Variants in FER observed in about 807,000 individuals in gnomAD.
FER encodes the protein tyrosine-protein kinase Fer.
Under a neutral mutation model 111.0 loss-of-function variants are expected in FER, and 63 were observed. The observed-to-expected ratio is 0.57, with a 90% CI of 0.46 to 0.70. The LOEUF (loss-of-function observed/expected upper bound fraction) is 0.70. FER is among the 30% of genes least tolerant of loss of function. The pLI is 0.00. For synonymous variants in FER, 327 were observed against 313.9 expected, an observed-to-expected ratio of 1.04 and a Z score of -0.44; for missense variants, 914 against 954.0, an observed-to-expected ratio of 0.96 and a Z score of 0.55.
chr5:108,897,750 C>T lies in FER; in HGVS notation c.1138C>T (p.Gln380Ter), dbSNP rs895550673. The T allele has an allele frequency of 6.2e-7, 1 of 1,613,406 alleles. No homozygotes were observed. The highest frequency in any genetic ancestry group is 8.5e-7 in the Non-Finnish European group (1 of 1,179,690). ...ATGCACTGAAGCAAAGTTTTCAGCA[C>T]AGAAGGAATTACTAGAGCAAAAAGT... is the stretch of plus-strand genomic sequence containing the variant. ...LRCTEAKFSA[Q>*]KELLEQKVQE... The change falls in exon 10 of 20, where the codon CAG (glutamine) becomes TAG (stop). Residue 380 changes from glutamine to a stop codon, truncating the protein, a stop_gained. Coordinates refer to ENST00000281092, the MANE Select transcript of FER (RefSeq NM_005246.4). LOFTEE classifies it high-confidence loss of function.
chr5:108,808,088 T>C (rs535950169), intron 3 of FER, among the ~76,000 whole-genome samples: 6 of 152,222 alleles, frequency 3.9e-5, no homozygotes, highest in African/African-American at 1.4e-4. Context: ...GAGTAATGTG[T>C]ATTCTGTGTA....
intron 13 of FER, among the ~76,000 whole-genome samples, chr5:108,987,062 TC>T (rs1288858770): frequency 2.0e-5 from 3 of 152,204 alleles, no homozygotes; most frequent in African/African-American, 7.2e-5. Context: ...TAATATTGAT[TC>T]TACCCCATCC....
At chr5:109,039,833 G>C (rs897991359) in intron 14 of FER, among the ~76,000 whole-genome samples, 2 of 152,062 alleles carry the variant, frequency 1.3e-5, no homozygotes, top group Non-Finnish European at 2.9e-5. Context: ...TGGCGAGCTG[G>C]TGGGCAATTT....
At chr5:108,901,791 A>G (rs1323613930) in intron 10 of FER, among the ~76,000 whole-genome samples, 1 of 152,124 alleles carries the variant, frequency 6.6e-6, no homozygotes, top group African/African-American at 2.4e-5. Flanking sequence ...GTCTCTACAA[A>G]TATATAAAAA....
At chr5:108,769,008 G>C (rs1323951534) in intron 2 of FER, among the ~76,000 whole-genome samples, 1 of 151,988 alleles carries the variant, frequency 6.6e-6, no homozygotes, top group East Asian at 1.9e-4. Context: ...TATTTTTTTA[G>C]AAGAGATGGG....
chr5:108,877,529 G>A (rs1468144106), intron 8 of FER, among the ~76,000 whole-genome samples: 2 of 152,102 alleles, frequency 1.3e-5, no homozygotes, highest in Non-Finnish European at 2.9e-5. Flanking sequence ...TTTGTGTCAT[G>A]GTATAGATTG....
At chr5:108,865,621 A>G (rs1483240501) in intron 5 of FER, among the ~76,000 whole-genome samples, 1 of 152,234 alleles carries the variant, frequency 6.6e-6, no homozygotes, top group African/African-American at 2.4e-5. Flanking sequence ...GCACAGCAAA[A>G]GAAACCTACC....
intron 13 of FER, among the ~76,000 whole-genome samples, chr5:108,968,168 C>T (rs188960084): frequency 2.7e-3 from 411 of 152,334 alleles, no homozygotes; most frequent in African/African-American, 9.3e-3. Context: ...GCAGGTATCA[C>T]TTGAGGTCAG....
intron 15 of FER, among the ~76,000 whole-genome samples, 187 bp from the exon 16 acceptor site, chr5:109,046,917 C>T (rs1275773786): frequency 6.6e-6 from 1 of 152,052 alleles, no homozygotes; most frequent in East Asian, 1.9e-4. Flanking sequence ...AACCAGTCTC[C>T]TACAGATACT....
chr5:108,900,641 A>T (rs1048076058), intron 10 of FER, among the ~76,000 whole-genome samples: 7 of 152,208 alleles, frequency 4.6e-5, no homozygotes, highest in Non-Finnish European at 1.0e-4. Context: ...ACAATGAATT[A>T]TGCTCCATGA....
At chr5:109,045,285 A>C (rs577458618) in intron 15 of FER, among the ~76,000 whole-genome samples, 12 of 123,620 alleles carry the variant, frequency 9.7e-5, no homozygotes, top group African/African-American at 2.8e-4. Context: ...ATTTAAGTAT[A>C]TACATTATAT....
chr5:108,926,894 A>G (rs1753815535), intron 10 of FER, among the ~76,000 whole-genome samples: 1 of 152,164 alleles, frequency 6.6e-6, no homozygotes, highest in South Asian at 2.1e-4. Flanking sequence ...ACCATAAAGT[A>G]CATACTGATT....
At chr5:109,037,827 T>G (rs1770610386) in intron 14 of FER, among the ~76,000 whole-genome samples, 1 of 151,990 alleles carries the variant, frequency 6.6e-6, no homozygotes. Context: ...AATAAATACC[T>G]AATAGTCTTG....
At chr5:108,794,526 A>ACC (rs138716410) in intron 2 of FER, among the ~76,000 whole-genome samples, 2,517 of 106,074 alleles carry the variant, frequency 0.024, 75 homozygotes, top group African/African-American at 0.067. Flanking sequence ...CCCCCTCCGC[A>ACC]CCCCCCCCCC....
At chr5:108,795,495 C>T (rs1399279611) in intron 2 of FER, among the ~76,000 whole-genome samples, 1 of 151,294 alleles carries the variant, frequency 6.6e-6, no homozygotes, top group Non-Finnish European at 1.5e-5. Context: ...AAAAAATTTC[C>T]CCTTTTGAGG....
intron 8 of FER, among the ~76,000 whole-genome samples, chr5:108,875,950 G>A (rs1253361472): frequency 6.6e-6 from 1 of 152,160 alleles, no homozygotes; most frequent in African/African-American, 2.4e-5. Context: ...GTGTAGTCTT[G>A]TATTCTAAAA....
intron 17 of FER, among the ~76,000 whole-genome samples, chr5:109,178,495 T>G (rs1757949608): frequency 6.6e-6 from 1 of 152,202 alleles, no homozygotes; most frequent in African/African-American, 2.4e-5. Flanking sequence ...TATACACGAC[T>G]AAAGTGTTGC....
chr5:109,169,251 C>T (rs549879468), intron 17 of FER, among the ~76,000 whole-genome samples: 164 of 152,078 alleles, frequency 1.1e-3, no homozygotes, highest in African/African-American at 3.7e-3. Flanking sequence ...AAAGTCTTAT[C>T]AAATATAATG....
chr5:109,152,695 T>C (rs1022447231), intron 17 of FER, among the ~76,000 whole-genome samples: 3 of 152,016 alleles, frequency 2.0e-5, no homozygotes, highest in Admixed American at 2.0e-4. Context: ...TGTATATACA[T>C]GCCTTTATTA....
Sources: gnomAD v4.1 joint callset for allele counts (sites outside exome capture counted in the v4.1 genomes callset) on GRCh38, gnomAD v4.1.1 for gene constraint, MANE v1.5 for transcripts, NCBI Gene and HGNC (gene_info 2026-07-23, HGNC 2026-07-21) for gene names.